Variants in PAMR1 observed in about 807,000 individuals in gnomAD.
The protein encoded by PAMR1 is peptidase domain containing associated with muscle regeneration 1.
In PAMR1, 88 loss-of-function variants were observed where a neutral mutation model predicts 81.8. The observed-to-expected ratio is 1.08, with a 90% confidence interval of 0.91 to 1.28. The LOEUF (loss-of-function observed/expected upper bound fraction) is 1.28, where lower values mean the gene tolerates loss of function less well. Among genes scored for constraint, PAMR1 ranks in the 50% most tolerant of loss-of-function variants. The pLI, the probability that PAMR1 is intolerant of heterozygous loss-of-function variation, is 0.00. For missense variants in PAMR1, 935 were observed against 919.7 expected (o/e 1.02, Z -0.21); for synonymous variants, 336 against 345.3 (o/e 0.97, Z 0.30).
chr11:35,442,543 G>T (rs1856193325), intron 6 of PAMR1, among the ~76,000 whole-genome samples: 1 of 151,938 alleles, frequency 6.6e-6, no homozygotes. Flanking sequence ...CTTGATTTGG[G>T]TACCAATCAC....
At chr11:35,475,372 T>C (rs2042801631) in intron 3 of PAMR1, among the ~76,000 whole-genome samples, 1 of 152,146 alleles carries the variant, frequency 6.6e-6, no homozygotes, top group Non-Finnish European at 1.5e-5. Flanking sequence ...TAAAGTCCTA[T>C]CAAGATCACC....
chr11:35,477,598 G>A (rs929007508), intron 3 of PAMR1, among the ~76,000 whole-genome samples: 4 of 152,222 alleles, frequency 2.6e-5, no homozygotes, highest in East Asian at 3.8e-4. Context: ...TGAATCAAAT[G>A]TGAATAAAAG....
At position 35,435,911 on chromosome 11, in the gene PAMR1, C is replaced by T; in HGVS notation, c.1325G>A (p.Cys442Tyr). 6.2e-7 allele frequency: 1 copy of T among 1,612,214 alleles called. No homozygotes were observed. The highest frequency in any genetic ancestry group is 8.5e-7 in the Non-Finnish European group (1 of 1,178,232). The part of the protein sequence containing the change: ...TGKWSGRAPS[C>Y]IPICGKIENI... ...AATGAGCCTTGACTCACTAGGGATG[C>T]AGGATGGTGCCCGCCCACTCCACTT... The change falls in exon 9 of 11, where the codon TGC (cysteine) becomes TAC (tyrosine). Residue 442 changes from cysteine (C) to tyrosine (Y), a missense_variant. Physicochemically the swap from Cys to Tyr is radical, Grantham distance 194. Coordinates refer to ENST00000619888, the MANE Select transcript of PAMR1 (RefSeq NM_001001991.3).
intron 6 of PAMR1, among the ~76,000 whole-genome samples, chr11:35,451,283 C>T (rs1216772999): frequency 6.6e-6 from 1 of 152,130 alleles, no homozygotes; most frequent in East Asian, 1.9e-4. Context: ...TTGAAAGTAA[C>T]AGAGATTGAG....
At chr11:35,490,158 C>T (rs1374056168) in intron 3 of PAMR1, among the ~76,000 whole-genome samples, 4 of 152,192 alleles carry the variant, frequency 2.6e-5, no homozygotes, top group Non-Finnish European at 5.9e-5. Flanking sequence ...TCTCCTGAGA[C>T]TTATTCACTA....
At chr11:35,459,493 C>G (rs895034032) in intron 6 of PAMR1, among the ~76,000 whole-genome samples, 2 of 152,170 alleles carry the variant, frequency 1.3e-5, no homozygotes, top group Non-Finnish European at 2.9e-5. Context: ...TGGGTGATAA[C>G]TCTAAACTAC....
Position 35,492,025 on chromosome 11 carries a change from C to A in PAMR1, c.379+20G>T. The A allele has an allele frequency of 6.2e-7, 1 of 1,601,334 alleles. No individual in the cohort carries two copies. Among genetic ancestry groups the A allele is most frequent in the South Asian group, 1.1e-5 (1 of 89,000 alleles). On this transcript the variant is annotated intron_variant, in intron 3 of 10. Transcript: ENST00000619888. ...AAGACAGTGTGCACTAGAGATGGAG[C>A]TAGGTCAAGGTCTACTTACGCATGC...
chr11:35,450,159 A>AAAAAAAC (rs1856383715), intron 6 of PAMR1, among the ~76,000 whole-genome samples: 1 of 137,122 alleles, frequency 7.3e-6, no homozygotes, highest in Non-Finnish European at 1.6e-5. Flanking sequence ...AAAAAAAAAA[A>AAAAAAAC]TCTCTATTCA....
At chr11:35,439,824 C>T (rs2135340245) in intron 7 of PAMR1, 131 bp from the exon 8 acceptor site, 7 of 713,092 alleles carry the variant, frequency 9.8e-6, no homozygotes, top group South Asian at 3.2e-5. Flanking sequence ...AGAGGCAAGA[C>T]ATGTCAGCCA....
chr11:35,439,762 T>C (rs1299675117), intron 7 of PAMR1, 69 bp from the exon 8 acceptor site: 19 of 1,346,168 alleles, frequency 1.4e-5, no homozygotes, highest in Non-Finnish European at 2.0e-5. Flanking sequence ...TCAGTTCAGA[T>C]TCATACCTGA....
At chr11:35,490,622 GAAGA>G (rs1361268578) in intron 3 of PAMR1, among the ~76,000 whole-genome samples, 2 of 152,144 alleles carry the variant, frequency 1.3e-5, no homozygotes, top group Non-Finnish European at 2.9e-5. Flanking sequence ...CCCCATCTCG[GAAGA>G]AAGGAAAATA....
intron 3 of PAMR1, among the ~76,000 whole-genome samples, chr11:35,475,363 A>G (rs903108594): frequency 6.6e-6 from 1 of 152,212 alleles, no homozygotes; most frequent in African/African-American, 2.4e-5. Flanking sequence ...TTGTTCAAAT[A>G]AAGTCCTATC....
chr11:35,459,155 G>T (rs1218231749), intron 6 of PAMR1, among the ~76,000 whole-genome samples: 2 of 152,104 alleles, frequency 1.3e-5, no homozygotes, highest in Non-Finnish European at 2.9e-5. Context: ...CTTACAATTA[G>T]CTATTTGATC....
intron 10 of PAMR1, 117 bp downstream of exon 10, chr11:35,434,395 G>T: frequency 1.1e-6 from 1 of 946,464 alleles, no homozygotes; most frequent in Non-Finnish European, 1.6e-6. Flanking sequence ...TATATGCGAG[G>T]CTCTGGGCTG....
intron 6 of PAMR1, among the ~76,000 whole-genome samples, chr11:35,460,724 T>C (rs1856634846): frequency 6.6e-6 from 1 of 152,180 alleles, no homozygotes; most frequent in South Asian, 2.1e-4. Flanking sequence ...CAGTCTATCA[T>C]TGTTGGACAT....
At chr11:35,502,602 A>G (rs1316194568) in intron 1 of PAMR1, among the ~76,000 whole-genome samples, 1 of 152,144 alleles carries the variant, frequency 6.6e-6, no homozygotes, top group Non-Finnish European at 1.5e-5. Context: ...GTTCCTTGTT[A>G]TGGCTGCATA....
At chr11:35,498,656 A>T (rs1384831902) in intron 1 of PAMR1, among the ~76,000 whole-genome samples, 2 of 152,128 alleles carry the variant, frequency 1.3e-5, no homozygotes, top group Non-Finnish European at 2.9e-5. Flanking sequence ...GCCCCAGCCC[A>T]CAAGGCCTTT....
chr11:35,496,952 G>A (rs973396799), intron 1 of PAMR1, among the ~76,000 whole-genome samples: 1 of 152,232 alleles, frequency 6.6e-6, no homozygotes, highest in African/African-American at 2.4e-5. Flanking sequence ...GATCACTTGA[G>A]GCCAGGAGTT....
intron 9 of PAMR1, among the ~76,000 whole-genome samples, chr11:35,435,081 T>C (rs957266986): frequency 3.3e-5 from 5 of 152,236 alleles, no homozygotes; most frequent in Non-Finnish European, 5.9e-5. Flanking sequence ...TCTAATCTTT[T>C]AGAGCCTCTG....
Sources: gnomAD v4.1 joint callset for allele counts (sites outside exome capture counted in the v4.1 genomes callset) on GRCh38, gnomAD v4.1.1 for gene constraint, MANE v1.5 for transcripts, NCBI Gene and HGNC (gene_info 2026-07-23, HGNC 2026-07-21) for gene names.